The following PRKCE variants were observed in gnomAD, a reference collection of about 807,000 sequenced individuals.
PRKCE encodes protein kinase C epsilon.
Under a neutral mutation model 85.4 loss-of-function variants are expected in PRKCE, and 16 were observed. That is an observed-to-expected ratio of 0.19 (90% CI 0.13 to 0.28). The LOEUF (loss-of-function observed/expected upper bound fraction) is 0.28, where lower values mean the gene tolerates loss of function less well. PRKCE is among the 10% of genes least tolerant of loss of function. The probability of loss-of-function intolerance (pLI) is 1.00; values close to 1 mark genes in which losing one functional copy is unlikely to be tolerated. For missense variants in PRKCE, 573 were observed against 975.2 expected (o/e 0.59, Z 5.49); for synonymous variants, 388 against 371.5 (o/e 1.04, Z -0.51).
At chr2:45,852,470 G>A (rs1026844255) in intron 2 of PRKCE, among the ~76,000 whole-genome samples, 5 of 152,178 alleles carry the variant, frequency 3.3e-5, no homozygotes, top group African/African-American at 1.2e-4. Flanking sequence ...TAAACTGAGA[G>A]TCTATTGCCT....
intron 1 of PRKCE, among the ~76,000 whole-genome samples, chr2:45,771,639 T>C (rs1013068020): frequency 6.6e-6 from 1 of 152,120 alleles, no homozygotes; most frequent in African/African-American, 2.4e-5. Flanking sequence ...TTCTTAGAAC[T>C]TCTGTTCCAG....
chr2:46,054,281 G>T (rs1406739812), intron 10 of PRKCE, among the ~76,000 whole-genome samples: 2 of 152,140 alleles, frequency 1.3e-5, no homozygotes, highest in African/African-American at 4.8e-5. Context: ...TGTGGCTATG[G>T]GAGTGACCTC....
At position 45,947,379 on chromosome 2, in the gene PRKCE, G is replaced by A. The variant is rs545287622; in HGVS notation, c.413-29050G>A. 4.6e-5 allele frequency among the ~76,000 whole-genome samples: 7 copies of A among 152,126 alleles called. No homozygotes were observed. In the East Asian group the frequency reaches 1.4e-3, roughly 29 times the overall value. On this transcript the variant is annotated intron_variant, in intron 2 of 14. Transcript: ENST00000306156. ...GGGTGTGGAACTTCTGTTTGCGGGG[G>A]ATGAAAATGTTCTAAAATTGACTGT...
At chr2:45,687,712 T>A (rs1387877721) in intron 1 of PRKCE, among the ~76,000 whole-genome samples, 2 of 152,194 alleles carry the variant, frequency 1.3e-5, no homozygotes, top group African/African-American at 2.4e-5. Flanking sequence ...AAATGGCTGG[T>A]ATAGGAGCAC....
intron 1 of PRKCE, among the ~76,000 whole-genome samples, chr2:45,745,223 C>T (rs768628859): frequency 1.1e-4 from 16 of 152,138 alleles, no homozygotes; most frequent in Non-Finnish European, 1.6e-4. Flanking sequence ...CTTCCTGCAG[C>T]GACTGAGACA....
At chr2:45,893,069 C>G (rs530588166) in intron 2 of PRKCE, among the ~76,000 whole-genome samples, 24 of 152,298 alleles carry the variant, frequency 1.6e-4, no homozygotes, top group Middle Eastern at 6.8e-3. Context: ...GTTTGCGACC[C>G]TCACAGAACC....
chr2:46,014,643 T>C (rs1705970035), intron 10 of PRKCE, among the ~76,000 whole-genome samples: 1 of 152,242 alleles, frequency 6.6e-6, no homozygotes, highest in Non-Finnish European at 1.5e-5. Context: ...TACAAGTCTT[T>C]ATTGTTAAGC....
intron 1 of PRKCE, among the ~76,000 whole-genome samples, chr2:45,695,251 A>T (rs748178292): frequency 6.6e-6 from 1 of 152,124 alleles, no homozygotes; most frequent in African/African-American, 2.4e-5. Context: ...TCTTGGTGAC[A>T]TTCCTTTTTG....
At chr2:45,917,553 C>T (rs1308609503) in intron 2 of PRKCE, among the ~76,000 whole-genome samples, 1 of 152,256 alleles carries the variant, frequency 6.6e-6, no homozygotes, top group Non-Finnish European at 1.5e-5. Context: ...AATTCCTGAG[C>T]TAGACATAAA....
chr2:45,975,760 C>T (rs1435832308), intron 2 of PRKCE, among the ~76,000 whole-genome samples: 1 of 152,150 alleles, frequency 6.6e-6, no homozygotes, highest in Non-Finnish European at 1.5e-5. Context: ...TTTTTGACTC[C>T]AGTGGGATCT....
intron 1 of PRKCE, among the ~76,000 whole-genome samples, chr2:45,776,770 T>A (rs187047002): frequency 6.6e-6 from 1 of 152,212 alleles, no homozygotes; most frequent in Non-Finnish European, 1.5e-5. Context: ...TGGAGAAAAC[T>A]GCTGGAGGAA....
In PRKCE at chr2:46,129,469, A is replaced by AT. The variant is rs1674199847; in HGVS notation, c.1593-15623dup. On this transcript the variant is annotated intron_variant, in intron 11 of 14. Coordinates refer to ENST00000306156, the MANE Select transcript of PRKCE (RefSeq NM_005400.3). Reference sequence around the variant, plus strand: ...TGATTGTCGCTTTCCACACTAGGATATAAATGCCAAGAGGACAGGGAACGT... The same window carrying AT: ...TGATTGTCGCTTTCCACACTAGGATATTAAATGCCAAGAGGACAGGGAACGT... 2.0e-5 allele frequency among the ~76,000 whole-genome samples: 3 copies of AT among 152,360 alleles called. No individual in the cohort carries two copies. In the South Asian group the frequency reaches 6.2e-4, roughly 32 times the overall value.
intron 11 of PRKCE, among the ~76,000 whole-genome samples, chr2:46,091,217 A>AC (rs1670139102): frequency 6.6e-6 from 1 of 152,062 alleles, no homozygotes; most frequent in Non-Finnish European, 1.5e-5. Flanking sequence ...ACCTGTTTCC[A>AC]CTTTTCCTAA....
chr2:45,870,197 C>A lies in PRKCE; in HGVS notation c.412+27134C>A, dbSNP rs979271662. 2.0e-5 allele frequency among the ~76,000 whole-genome samples: 3 copies of A among 152,184 alleles called. No homozygotes were observed. The East Asian group carries it at 5.8e-4, about 29-fold the overall frequency. ...CAGCCCTCAAGTATTACTCTACTCA[C>A]TCTGGGGAGGAAAGTCAGGAGGACT... On this transcript the variant is annotated intron_variant, in intron 2 of 14. Coordinates refer to ENST00000306156, the MANE Select transcript of PRKCE (RefSeq NM_005400.3).
chr2:46,139,710 A>G lies in PRKCE; in HGVS notation c.1593-5383A>G, dbSNP rs1675322947. Among the ~76,000 whole-genome samples the G allele has an allele frequency of 6.6e-6, 1 of 151,554 alleles. No individual in the cohort carries two copies. The highest frequency in any genetic ancestry group is 2.1e-4 in the South Asian group (1 of 4,800). The stretch of plus-strand genomic sequence containing the variant: ...TATATATATGTGTGTGTATATATAT[A>G]CATATATACATATACATATATATCT... On this transcript the variant is annotated intron_variant, in intron 11 of 14. Coordinates refer to ENST00000306156, the MANE Select transcript of PRKCE (RefSeq NM_005400.3). The surrounding 1 kb of genome is among the most constrained non-coding windows in gnomAD (Gnocchi z 5.2).
intron 10 of PRKCE, among the ~76,000 whole-genome samples, chr2:46,065,393 G>A (rs1276061731): frequency 1.3e-5 from 2 of 152,086 alleles, no homozygotes; most frequent in Non-Finnish European, 2.9e-5. Context: ...ACAAGTAAAA[G>A]CAGACGTCAT....
At chr2:45,884,924 T>C (rs999998375) in intron 2 of PRKCE, among the ~76,000 whole-genome samples, 17 of 144,594 alleles carry the variant, frequency 1.2e-4, no homozygotes, top group African/African-American at 4.4e-4. Context: ...TCTGATTGTA[T>C]AAGCTGCGTG....
intron 1 of PRKCE, among the ~76,000 whole-genome samples, chr2:45,781,172 CA>C (rs199632427): frequency 0.023 from 3,365 of 148,830 alleles, 104 homozygotes; most frequent in African/African-American, 0.082. Flanking sequence ...CCCATCTCTA[CA>C]AAATAATAAT....
intron 1 of PRKCE, among the ~76,000 whole-genome samples, chr2:45,813,479 G>A (rs140309954): frequency 2.3e-4 from 35 of 152,314 alleles, no homozygotes; most frequent in African/African-American, 7.0e-4. Flanking sequence ...GCTGTAGTTT[G>A]TTATCCCCTT....
Sources: allele counts gnomAD v4.1 joint callset (sites outside exome capture counted in the v4.1 genomes callset), GRCh38; gene constraint gnomAD v4.1.1; non-coding constraint Gnocchi (gnomAD v3.1); transcripts MANE v1.5; gene names NCBI Gene and HGNC (gene_info 2026-07-23, HGNC 2026-07-21).